CDH12: variants seen among roughly 807,000 people sequenced by gnomAD.
The protein encoded by CDH12 is cadherin-12.
A neutral mutation model predicts 74.1 loss-of-function variants in CDH12; 41 were observed. The observed-to-expected ratio is 0.55, with a 90% confidence interval of 0.43 to 0.72. The LOEUF is 0.72. CDH12 is among the 30% of genes least tolerant of loss of function. The pLI is 0.00. For synonymous variants in CDH12, 399 were observed against 355.0 expected (o/e 1.12, Z -1.39); for missense variants, 945 against 977.2 (o/e 0.97, Z 0.44).
intron 3 of CDH12, among the ~76,000 whole-genome samples, chr5:22,238,417 T>C (rs545456135): frequency 2.0e-5 from 3 of 152,300 alleles, no homozygotes; most frequent in African/African-American, 7.2e-5. Context: ...ATGAACAATC[T>C]TGTAGTTTTA....
chr5:22,279,079 T>C (rs924836387), intron 3 of CDH12, among the ~76,000 whole-genome samples: 6 of 152,168 alleles, frequency 3.9e-5, no homozygotes, highest in Non-Finnish European at 7.4e-5. Context: ...GATAAATATT[T>C]ACTCATTTTC....
chr5:22,378,520 T>G (rs893441392), intron 3 of CDH12, among the ~76,000 whole-genome samples: 1 of 151,974 alleles, frequency 6.6e-6, no homozygotes, highest in African/African-American at 2.4e-5. Context: ...AAACTTTTGG[T>G]TCAGATGAAT....
At chr5:22,069,737 G>A (rs895980938) in intron 5 of CDH12, among the ~76,000 whole-genome samples, 1 of 152,114 alleles carries the variant, frequency 6.6e-6, no homozygotes, top group African/African-American at 2.4e-5. Flanking sequence ...ATGGGAAATT[G>A]GATTGACACC....
intron 3 of CDH12, among the ~76,000 whole-genome samples, chr5:22,256,312 T>A (rs1753316383): frequency 6.6e-6 from 1 of 152,080 alleles, no homozygotes; most frequent in East Asian, 1.9e-4. Context: ...ATAAAGGAGA[T>A]AAAAATTTAT....
intron 2 of CDH12, among the ~76,000 whole-genome samples, chr5:22,489,512 T>G (rs1050412864): frequency 2.0e-5 from 3 of 152,090 alleles, no homozygotes; most frequent in African/African-American, 7.2e-5. Flanking sequence ...ACTGTTGGCA[T>G]GATTTCAGTC....
At chr5:22,637,890 C>G (rs1738925086) in intron 1 of CDH12, among the ~76,000 whole-genome samples, 1 of 152,190 alleles carries the variant, frequency 6.6e-6, no homozygotes, top group East Asian at 1.9e-4. Flanking sequence ...CAAATTGTTA[C>G]TGCTATTGTT....
intron 3 of CDH12, among the ~76,000 whole-genome samples, chr5:22,306,479 G>T (rs978814610): frequency 6.6e-6 from 1 of 152,028 alleles, no homozygotes; most frequent in Non-Finnish European, 1.5e-5. Flanking sequence ...AGTCACAGAG[G>T]TTTTTAAACA....
rs1025384618 is a variant in CDH12 at position 21,964,800 on chromosome 5, G to T, written c.526+10291C>A. On this transcript the variant is annotated intron_variant, in intron 6 of 14. Coordinates refer to ENST00000382254, the MANE Select transcript of CDH12 (RefSeq NM_004061.5). ...ATTTGTAAAAAGCTGAAACTTATTA[G>T]AAAGTGAATTCTTCATAATCATGTT... 4.6e-5 allele frequency among the ~76,000 whole-genome samples: 7 copies of T among 151,892 alleles called. 1 individual carries two copies. Among genetic ancestry groups the T allele is most frequent in the Admixed American group, 4.6e-4 (7 of 15,214 alleles).
At chr5:22,030,918 C>T (rs1447651855) in intron 5 of CDH12, among the ~76,000 whole-genome samples, 1 of 152,182 alleles carries the variant, frequency 6.6e-6, no homozygotes, top group Non-Finnish European at 1.5e-5. Flanking sequence ...TTACTTACTT[C>T]CTTAAATCTC....
intron 1 of CDH12, among the ~76,000 whole-genome samples, chr5:22,847,612 AGTAT>A (rs1411418619): frequency 3.9e-5 from 6 of 152,178 alleles, no homozygotes; most frequent in African/African-American, 1.4e-4. Context: ...TACATTTAAA[AGTAT>A]TATTTTTGAT....
chr5:22,262,214 C>T (rs989223571), intron 3 of CDH12, among the ~76,000 whole-genome samples: 5 of 150,974 alleles, frequency 3.3e-5, no homozygotes, highest in Non-Finnish European at 5.9e-5. Flanking sequence ...GTGCACTGCA[C>T]CCACTAACTC....
At chr5:21,756,121 T>C (rs992950609) in intron 13 of CDH12, among the ~76,000 whole-genome samples, 4 of 152,160 alleles carry the variant, frequency 2.6e-5, no homozygotes, top group African/African-American at 9.6e-5. Flanking sequence ...ATTGATCAAT[T>C]TTTTTATGAC....
At chr5:21,934,881 A>G (rs528309583) in intron 6 of CDH12, among the ~76,000 whole-genome samples, 107 of 151,506 alleles carry the variant, frequency 7.1e-4, no homozygotes, top group Admixed American at 2.4e-3. Context: ...CCGCCTCCCT[A>G]GTTCATGCCA....
intron 2 of CDH12, among the ~76,000 whole-genome samples, chr5:22,493,639 G>T (rs1449044475): frequency 6.6e-6 from 1 of 151,766 alleles, no homozygotes; most frequent in Non-Finnish European, 1.5e-5. Flanking sequence ...CTGAAAGTTG[G>T]GTAAAATTTT....
chr5:22,506,678 G>T (rs1319449267), intron 1 of CDH12, among the ~76,000 whole-genome samples: 2 of 151,784 alleles, frequency 1.3e-5, no homozygotes, highest in Non-Finnish European at 2.9e-5. Flanking sequence ...ACTAGTTATG[G>T]TTCCTTGCCA....
At chr5:21,837,270 T>C (rs1019369518) in intron 8 of CDH12, among the ~76,000 whole-genome samples, 1 of 152,044 alleles carries the variant, frequency 6.6e-6, no homozygotes, top group African/African-American at 2.4e-5. Context: ...TCAGAAACTA[T>C]ATATTTTACA....
At chr5:22,539,198 T>C (rs952434779) in intron 1 of CDH12, among the ~76,000 whole-genome samples, 3 of 152,208 alleles carry the variant, frequency 2.0e-5, no homozygotes, top group African/African-American at 7.2e-5. Flanking sequence ...AAAAAGTGTC[T>C]GCAAATAATA....
chr5:22,123,963 A>ATTTTATT (rs1030002558), intron 4 of CDH12, among the ~76,000 whole-genome samples: 5 of 150,818 alleles, frequency 3.3e-5, no homozygotes, highest in African/African-American at 1.2e-4. Flanking sequence ...TTTATTTTTT[A>ATTTTATT]TTTTATTTTT....
At chr5:22,103,397 G>C (rs1233220338) in intron 4 of CDH12, among the ~76,000 whole-genome samples, 1 of 152,152 alleles carries the variant, frequency 6.6e-6, no homozygotes, top group Non-Finnish European at 1.5e-5. Flanking sequence ...TAGAGGAAAA[G>C]ATCTTAGCAC....
Sources: gnomAD v4.1 joint callset for allele counts (sites outside exome capture counted in the v4.1 genomes callset) on GRCh38, gnomAD v4.1.1 for gene constraint, MANE v1.5 for transcripts, NCBI Gene and HGNC (gene_info 2026-07-23, HGNC 2026-07-21) for gene names.